FIGNL2: variants seen among roughly 807,000 people sequenced by gnomAD.
The protein encoded by FIGNL2 is fidgetin-like protein 2.
For missense variants in FIGNL2, 1,060 were observed against 950.2 expected (o/e 1.12, Z -1.52); for synonymous variants, 565 against 484.0 (o/e 1.17, Z -2.20).
At chr12:51,827,947 T>C (rs1939378428) in intron 1 of FIGNL2, among the ~76,000 whole-genome samples, 1 of 152,214 alleles carries the variant, frequency 6.6e-6, no homozygotes, top group African/African-American at 2.4e-5. Flanking sequence ...GTCACATGGC[T>C]GTTACAGAGT....
chr12:51,827,366 A>G (rs1003386737), intron 1 of FIGNL2, among the ~76,000 whole-genome samples: 17 of 151,476 alleles, frequency 1.1e-4, no homozygotes, highest in Middle Eastern at 3.5e-3. Context: ...ACCTCAGTGA[A>G]CCTCAATTTC....
Position 51,821,394 on chromosome 12 carries a change from C to G in FIGNL2, c.1020G>C (p.Pro340=). 2 of 1,522,148 alleles carry G rather than the reference C, an allele frequency of 1.3e-6. No homozygotes were observed. The highest frequency in any genetic ancestry group is 1.8e-6 in the Non-Finnish European group (2 of 1,137,304). The allele number at this position is 1,522,148 out of a possible 1,614,324, so 94.3% of individuals were successfully genotyped here. ...GGAACTTTTCAAAGGGCTCCAGTTGCGGGCCGTAGACGGGGGAGCCCAGGA... is the reference window on the plus strand; with the variant it reads ...GGAACTTTTCAAAGGGCTCCAGTTGGGGGCCGTAGACGGGGGAGCCCAGGA... ...LKVLGSPVYG[P]QLEPFEKFPE... The change falls in exon 2 of 2, where the codon CCG becomes CCC. Residue 340 remains proline, a synonymous_variant. Transcript: ENST00000618634.
intron 1 of FIGNL2, among the ~76,000 whole-genome samples, chr12:51,825,446 A>G (rs1939318498): frequency 6.6e-6 from 1 of 152,006 alleles, no homozygotes; most frequent in Admixed American, 6.5e-5. Flanking sequence ...GCCAACGAAG[A>G]TCCTCTGGCC....
chr12:51,840,540 A>G (rs910301030), intron 1 of FIGNL2, among the ~76,000 whole-genome samples: 5 of 152,180 alleles, frequency 3.3e-5, no homozygotes, highest in Non-Finnish European at 7.3e-5. Context: ...GTTCAAGACC[A>G]CCCTGACCAA....
In FIGNL2 at chr12:51,826,453, AC is replaced by A. The variant is rs1361265378; in HGVS notation, c.-11-4030del. ...AGGCCAGCCTAGCCAACGTGGTGAA[AC>A]CCCTCTGTACTAAAAATACAAAAAA... On this transcript the variant is annotated intron_variant, in intron 1 of 1. Coordinates refer to ENST00000618634, the MANE Select transcript of FIGNL2 (RefSeq NM_001384995.1). Among the ~76,000 whole-genome samples, 26 of 143,266 alleles carry A rather than the reference AC, an allele frequency of 1.8e-4. No homozygotes were observed. In the Admixed American group the frequency reaches 1.9e-3, roughly 10 times the overall value. The allele number at this position is 143,266 out of a possible 152,430, so 94.0% of individuals were successfully genotyped here. A position where few individuals can be genotyped will look rare whatever the true frequency, so the allele number is the denominator to read the frequency against.
At position 51,822,267 on chromosome 12, in the gene FIGNL2, G is replaced by A. The variant is rs1592185449; in HGVS notation, c.147C>T (p.Asp49=). ...TGGAGGCAGTGAGGGCTGAGATGTC[G>A]TCGTGTGCCCAAGCGTAGTGGCAGC... ...RQRCHYAWAH[D]DISALTASNL... The change falls in exon 2 of 2, where the codon GAC becomes GAT. Residue 49 remains aspartate (D), a synonymous_variant. Transcript: ENST00000618634. 1 of 1,611,440 alleles carries A rather than the reference G, an allele frequency of 6.2e-7. No individual in the cohort carries two copies. Among genetic ancestry groups the A allele is most frequent in the Non-Finnish European group, 8.5e-7 (1 of 1,178,856 alleles).
chr12:51,847,131 C>T (rs1333743078), intron 1 of FIGNL2: 1 of 985,288 alleles, frequency 1.0e-6, no homozygotes, highest in Non-Finnish European at 1.2e-6. Context: ...CTTGGGGGCT[C>T]AGGCACAGCG....
chr12:51,845,482 C>T (rs767539561), intron 1 of FIGNL2: 19 of 982,478 alleles, frequency 1.9e-5, no homozygotes, highest in Non-Finnish European at 2.3e-5. Flanking sequence ...CAGTCTCTGT[C>T]CCCTGAAGGG....
intron 1 of FIGNL2, among the ~76,000 whole-genome samples, chr12:51,837,512 C>T (rs1219161488): frequency 2.6e-5 from 4 of 152,202 alleles, no homozygotes; most frequent in Non-Finnish European, 5.9e-5. Context: ...CTGTGAATAA[C>T]AGCTCCTTTT....
intron 1 of FIGNL2, among the ~76,000 whole-genome samples, chr12:51,829,478 G>A (rs1381563762): frequency 6.6e-6 from 1 of 152,194 alleles, no homozygotes. Flanking sequence ...TCTTTCCCCA[G>A]TTCTGGGCCA....
intron 1 of FIGNL2, among the ~76,000 whole-genome samples, chr12:51,839,791 C>T (rs1939631241): frequency 6.6e-6 from 1 of 152,184 alleles, no homozygotes; most frequent in Non-Finnish European, 1.5e-5. Context: ...CTCCGCTGCT[C>T]AGCCAGCCCC....
chr12:51,844,730 A>G (rs61933783), intron 1 of FIGNL2: 1 of 985,300 alleles, frequency 1.0e-6, no homozygotes, highest in Non-Finnish European at 1.2e-6. Flanking sequence ...AGACAAGTGG[A>G]CCCTAAAAAA....
intron 1 of FIGNL2, among the ~76,000 whole-genome samples, chr12:51,844,427 C>T (rs886934432): frequency 6.6e-6 from 1 of 152,230 alleles, no homozygotes; most frequent in Admixed American, 6.5e-5. Context: ...GGGGTTCGCA[C>T]TGCAGTCCCC....
Position 51,821,228 on chromosome 12 carries a change from C to T in FIGNL2, c.1186G>A (p.Gly396Ser). 1 of 1,523,580 alleles carries T rather than the reference C, an allele frequency of 6.6e-7. No homozygotes were observed. 94.4% of individuals were successfully genotyped at this position (1,523,580 alleles called of 1,614,324 possible). A position where few individuals can be genotyped will look rare whatever the true frequency, so the allele number is the denominator to read the frequency against. ...GPPVQWADVAGQGALKAALEE... is the reference protein window; with the variant it reads ...GPPVQWADVASQGALKAALEE... ...AGCGCCGCCTTGAGCGCGCCCTGGCCCGCCACATCCGCCCACTGCACCGGG... is the reference window on the plus strand; with the variant it reads ...AGCGCCGCCTTGAGCGCGCCCTGGCTCGCCACATCCGCCCACTGCACCGGG... The change falls in exon 2 of 2, where the codon GGC becomes AGC. Residue 396 changes from glycine to serine, a missense_variant. By Grantham distance (56) the Gly-to-Ser change is moderately conservative. Coordinates refer to ENST00000618634, the MANE Select transcript of FIGNL2 (RefSeq NM_001384995.1).
Position 51,820,982 on chromosome 12 carries a change from C to A in FIGNL2, c.1432G>T (p.Ala478Ser). ...GAGGGTGGGCGGCAGCGCGCGGCCG[C>A]GAAGGCGGCCTGGAGGAGGCGCGCG... The part of the protein sequence containing the change: ...EGARLLQAAF[A>S]AARCRPPSVL... Residue 478 changes from alanine (A) to serine (S), a missense_variant, in exon 2 of 2, where the codon GCG (alanine) becomes TCG (serine). By Grantham distance (99) the Ala-to-Ser change is moderately conservative. Transcript: ENST00000618634. 1 of 1,212,988 alleles carries A rather than the reference C, an allele frequency of 8.2e-7. No individual in the cohort carries two copies. 75.1% of individuals were successfully genotyped at this position (1,212,988 alleles called of 1,614,324 possible). A position where few individuals can be genotyped will look rare whatever the true frequency, so the allele number is the denominator to read the frequency against.
chr12:51,831,249 A>G (rs1489311144), intron 1 of FIGNL2, among the ~76,000 whole-genome samples: 1 of 152,242 alleles, frequency 6.6e-6, no homozygotes, highest in Non-Finnish European at 1.5e-5. Context: ...AGGTTCAGAG[A>G]CAGCGGAGGT....
At chr12:51,847,391 T>C (rs143653451) in intron 1 of FIGNL2, 1 of 985,316 alleles carries the variant, frequency 1.0e-6, no homozygotes, top group Non-Finnish European at 1.2e-6. Flanking sequence ...TCCCCACTCC[T>C]CGCTGCCGGG....
intron 1 of FIGNL2, among the ~76,000 whole-genome samples, chr12:51,827,040 C>T (rs911363589): frequency 1.2e-4 from 19 of 152,260 alleles, no homozygotes; most frequent in African/African-American, 4.6e-4. Context: ...CCTTGCCTTC[C>T]TCCCCTAGCC....
chr12:51,840,163 C>G (rs1172418840), intron 1 of FIGNL2, among the ~76,000 whole-genome samples: 1 of 152,216 alleles, frequency 6.6e-6, no homozygotes, highest in Non-Finnish European at 1.5e-5. Flanking sequence ...GGCGCAGGTG[C>G]TCAGTGGAGG....
Sources: allele counts gnomAD v4.1 joint callset (sites outside exome capture counted in the v4.1 genomes callset), GRCh38; gene constraint gnomAD v4.1.1; transcripts MANE v1.5; gene names NCBI Gene and HGNC (gene_info 2026-07-23, HGNC 2026-07-21).